Variants in CUX1 observed in about 807,000 individuals in gnomAD.
CUX1 encodes the protein cut like homeobox 1, also known as protein CASP.
Under a neutral mutation model 158.8 loss-of-function variants are expected in CUX1, and 31 were observed. That is an observed-to-expected ratio of 0.20 (90% CI 0.15 to 0.26). The LOEUF (loss-of-function observed/expected upper bound fraction) is 0.26. Ranked by LOEUF, CUX1 falls within the 10% of genes least tolerant of loss-of-function variation. CUX1 has a pLI of 1.00. For synonymous variants in CUX1, 879 were observed against 862.1 expected (o/e 1.02, Z -0.34); for missense variants, 1,589 against 2,014.6 (o/e 0.79, Z 4.04).
intron 8 of CUX1, among the ~76,000 whole-genome samples, chr7:102,117,346 C>T (rs933354590): frequency 4.7e-5 from 6 of 128,836 alleles, no homozygotes; most frequent in African/African-American, 1.9e-4. Context: ...TGCAATGAGC[C>T]GAGATAGCAC....
At chr7:102,101,688 T>A (rs1829789590) in intron 5 of CUX1, among the ~76,000 whole-genome samples, 1 of 151,986 alleles carries the variant, frequency 6.6e-6, no homozygotes, top group Non-Finnish European at 1.5e-5. Flanking sequence ...GGTGAGCAGA[T>A]CATTTGAGGT....
At chr7:102,243,260 C>T (rs1554535574) in intron 23 of CUX1, among the ~76,000 whole-genome samples, 1 of 151,992 alleles carries the variant, frequency 6.6e-6, no homozygotes, top group East Asian at 1.9e-4. Context: ...GGTGACACAG[C>T]GAGACTCTGT....
rs1005963985 is a variant in CUX1, at chr7:101,838,161, G to A, written c.30+20492G>A. ...TTTTTTTTAAATGACACAGAGTCTC[G>A]CTCTGTCGCCCAGGCTGGAGTGCAG... On this transcript the variant is annotated intron_variant, in intron 1 of 23. Coordinates refer to ENST00000292535, the MANE Select transcript of CUX1 (RefSeq NM_181552.4). 1.2e-4 allele frequency among the ~76,000 whole-genome samples: 18 copies of A among 146,990 alleles called. 1 individual carries two copies. Among genetic ancestry groups the A allele is most frequent in the African/African-American group, 4.0e-4 (16 of 39,654 alleles).
At chr7:102,172,849 G>T (rs549749534) in intron 10 of CUX1, among the ~76,000 whole-genome samples, 2 of 152,234 alleles carry the variant, frequency 1.3e-5, no homozygotes, top group East Asian at 1.9e-4. Flanking sequence ...ATCACTTGAG[G>T]CCAGGAGTTT....
chr7:101,836,319 G>T (rs1172158183), intron 1 of CUX1, among the ~76,000 whole-genome samples: 1 of 152,100 alleles, frequency 6.6e-6, no homozygotes, highest in African/African-American at 2.4e-5. Context: ...AACCACTGCT[G>T]TGCACAAAGT....
At chr7:102,047,394 T>G (rs764404129) in intron 3 of CUX1, among the ~76,000 whole-genome samples, 42 of 150,474 alleles carry the variant, frequency 2.8e-4, no homozygotes, top group Middle Eastern at 7.0e-3. Context: ...GAAGGATGGA[T>G]GGATAGATGA....
chr7:102,048,292 G>A (rs948358907), intron 3 of CUX1, among the ~76,000 whole-genome samples: 45 of 152,204 alleles, frequency 3.0e-4, no homozygotes, highest in Admixed American at 2.1e-3. Flanking sequence ...TGCCACCCTC[G>A]TGCCACTGTA....
At chr7:102,091,678 T>C (rs1397231612) in intron 4 of CUX1, among the ~76,000 whole-genome samples, 3 of 152,174 alleles carry the variant, frequency 2.0e-5, no homozygotes, top group African/African-American at 4.8e-5. Context: ...AGCTCATCTT[T>C]AAGCTTAAAA....
At chr7:101,866,311 C>A (rs539141877) in intron 1 of CUX1, among the ~76,000 whole-genome samples, 23 of 150,204 alleles carry the variant, frequency 1.5e-4, no homozygotes, top group South Asian at 6.3e-4. Context: ...AAAAAAAAAA[C>A]AAAACAAAAA....
intron 3 of CUX1, among the ~76,000 whole-genome samples, chr7:102,066,768 GC>G (rs1563198715): frequency 6.6e-6 from 1 of 152,312 alleles, no homozygotes; most frequent in East Asian, 1.9e-4. Context: ...ATCTGGAGAA[GC>G]AACTCCAAAT....
chr7:102,257,921 A>G lies in CUX1; in HGVS notation c.*8879A>G. 1 of 980,420 alleles carries G rather than the reference A, an allele frequency of 1.0e-6. No individual in the cohort carries two copies. Among genetic ancestry groups the G allele is most frequent in the African/African-American group, 1.8e-5 (1 of 55,444 alleles). 60.7% of individuals were successfully genotyped at this position (980,420 alleles called of 1,614,324 possible). A position where few individuals can be genotyped will look rare whatever the true frequency, so the allele number is the denominator to read the frequency against. ...GTCTTTTTTTTTTTTTTTTGTACAA[A>G]TCGCTTTGAGATGCCTCTGGTGTGT... On this transcript the variant is annotated 3_prime_UTR_variant, in exon 24 of 24. Coordinates refer to ENST00000292535, the MANE Select transcript of CUX1 (RefSeq NM_181552.4).
intron 4 of CUX1, among the ~76,000 whole-genome samples, chr7:102,072,365 G>T (rs1368082543): frequency 6.6e-6 from 1 of 152,152 alleles, no homozygotes; most frequent in East Asian, 1.9e-4. Flanking sequence ...AGTTATAAAG[G>T]TCACACTCCT....
At chr7:101,858,696 T>C (rs2131338595) in intron 1 of CUX1, among the ~76,000 whole-genome samples, 1 of 148,828 alleles carries the variant, frequency 6.7e-6, no homozygotes, top group Admixed American at 6.7e-5. Flanking sequence ...GATGGCGTCT[T>C]GCTCTGTGGC....
intron 10 of CUX1, among the ~76,000 whole-genome samples, chr7:102,176,253 CAAATTTGA>C (rs1792312946): frequency 6.6e-6 from 1 of 152,226 alleles, no homozygotes; most frequent in Non-Finnish European, 1.5e-5. Flanking sequence ...TGCCTGTCCC[CAAATTTGA>C]AAATCCGTGG....
intron 1 of CUX1, among the ~76,000 whole-genome samples, chr7:101,834,165 C>CTTTTTTTTTTT (rs575992276): frequency 7.0e-5 from 5 of 71,080 alleles, no homozygotes; most frequent in Non-Finnish European, 1.4e-4. Flanking sequence ...CTGATTGTTT[C>CTTTTTTTTTTT]TTTTTTTTTT....
intron 2 of CUX1, among the ~76,000 whole-genome samples, chr7:101,967,620 A>G (rs191172646): frequency 1.9e-4 from 29 of 152,350 alleles, no homozygotes; most frequent in African/African-American, 6.0e-4. Context: ...GCAAACACAC[A>G]TTCTGTTAGC....
At chr7:101,911,318 C>T (rs1450298703) in intron 1 of CUX1, among the ~76,000 whole-genome samples, 3 of 152,168 alleles carry the variant, frequency 2.0e-5, no homozygotes, top group East Asian at 1.9e-4. Context: ...CTTGGTCCTG[C>T]GGTGGACGAC....
intron 2 of CUX1, among the ~76,000 whole-genome samples, chr7:101,963,752 A>C (rs1022617750): frequency 2.6e-5 from 4 of 152,136 alleles, no homozygotes; most frequent in African/African-American, 9.7e-5. Context: ...CTTGGGCTCA[A>C]GTGATCCTCC....
intron 1 of CUX1, among the ~76,000 whole-genome samples, chr7:101,832,388 C>A (rs1018322852): frequency 2.1e-4 from 32 of 152,270 alleles, no homozygotes; most frequent in Admixed American, 1.6e-3. Flanking sequence ...TCATCAGTGT[C>A]CCCCACCGAC....
Sources: allele counts gnomAD v4.1 joint callset (sites outside exome capture counted in the v4.1 genomes callset), GRCh38; gene constraint gnomAD v4.1.1; transcripts MANE v1.5; gene names NCBI Gene and HGNC (gene_info 2026-07-23, HGNC 2026-07-21).